ARHGAP26: variants seen among roughly 807,000 people sequenced by gnomAD.
The protein encoded by ARHGAP26 is Rho GTPase activating protein 26.
Under a neutral mutation model 104.8 loss-of-function variants are expected in ARHGAP26, and 38 were observed. That is an observed-to-expected ratio of 0.36 (90% confidence interval 0.28 to 0.48). The LOEUF (loss-of-function observed/expected upper bound fraction) is 0.48. Ranked by LOEUF, ARHGAP26 falls within the 20% of genes least tolerant of loss-of-function variation. The pLI is 0.99. For missense variants in ARHGAP26, 704 were observed against 947.9 expected (o/e 0.74, Z 3.38); for synonymous variants, 341 against 340.0 (o/e 1.00, Z -0.03).
intron 17 of ARHGAP26, among the ~76,000 whole-genome samples, chr5:143,068,648 T>A (rs1787844347): frequency 1.3e-5 from 2 of 152,354 alleles, no homozygotes; most frequent in South Asian, 4.1e-4. Flanking sequence ...TATGCAATCC[T>A]TTGAAACATG....
chr5:142,964,729 G>A (rs926292290), intron 11 of ARHGAP26, among the ~76,000 whole-genome samples: 1 of 152,136 alleles, frequency 6.6e-6, no homozygotes, highest in Non-Finnish European at 1.5e-5. Context: ...AACCTGACAT[G>A]CATTTCTGGA....
At chr5:143,012,015 T>C (rs1258554706) in intron 11 of ARHGAP26, among the ~76,000 whole-genome samples, 1 of 152,170 alleles carries the variant, frequency 6.6e-6, no homozygotes, top group East Asian at 1.9e-4. Context: ...ATTTTATAGA[T>C]GAAGAAATTA....
At chr5:142,918,608 C>T (rs1404696302) in intron 10 of ARHGAP26, among the ~76,000 whole-genome samples, 1 of 152,128 alleles carries the variant, frequency 6.6e-6, no homozygotes, top group Non-Finnish European at 1.5e-5. Flanking sequence ...GGTCACATCT[C>T]CTCTAATTTC....
At chr5:143,066,516 A>T (rs529794888) in intron 17 of ARHGAP26, among the ~76,000 whole-genome samples, 1 of 152,308 alleles carries the variant, frequency 6.6e-6, no homozygotes, top group South Asian at 2.1e-4. Flanking sequence ...ATAAATGTTA[A>T]TTTCTACAAT....
At position 142,932,122 on chromosome 5, in the gene ARHGAP26, A is replaced by G. The variant is rs1210128386; in HGVS notation, c.1104A>G (p.Glu368=). Reference sequence around the variant, plus strand: ...GGATGGAAGCCATGGATGGCCGGGAACCTGTAAGTAACAATTCAGGGAAGT... The same window carrying G: ...GGATGGAAGCCATGGATGGCCGGGAGCCTGTAAGTAACAATTCAGGGAAGT... The part of the protein sequence containing the change: ...RLWMEAMDGR[E]PVYNSNKDSQ... Residue 368 remains glutamate (E), a synonymous_variant, in exon 11 of 23, where the codon GAA becomes GAG. Coordinates refer to ENST00000645722, the MANE Select transcript of ARHGAP26 (RefSeq NM_001135608.3). The G allele has an allele frequency of 1.2e-6, 2 of 1,613,868 alleles. No homozygotes were observed. The highest frequency in any genetic ancestry group is 1.7e-6 in the Non-Finnish European group (2 of 1,179,858).
intron 1 of ARHGAP26, among the ~76,000 whole-genome samples, chr5:142,858,084 TGTGTGTGTGTGAGA>T (rs1273686543): frequency 7.0e-6 from 1 of 143,182 alleles, no homozygotes; most frequent in African/African-American, 2.8e-5. Context: ...TGTGTGTGTG[TGTGTGTGTGTGAGA>T]GAGAGAGAGA....
chr5:142,863,611 G>A (rs940601369), intron 1 of ARHGAP26, among the ~76,000 whole-genome samples: 2 of 152,122 alleles, frequency 1.3e-5, no homozygotes, highest in African/African-American at 2.4e-5. Flanking sequence ...TTCCAGGCAC[G>A]TGCTAGGAGA....
intron 1 of ARHGAP26, among the ~76,000 whole-genome samples, chr5:142,815,689 A>G (rs1764977575): frequency 6.6e-6 from 1 of 152,176 alleles, no homozygotes; most frequent in Non-Finnish European, 1.5e-5. Context: ...GGCTGTCCCC[A>G]GGACCTGGAG....
Position 143,189,356 on chromosome 5 carries a change from T to C in ARHGAP26, c.1989-17842T>C, listed in dbSNP as rs566140943. The stretch of plus-strand genomic sequence containing the variant: ...ACAGTGAGCCCTCAGCAGTCTACTT[T>C]GTTGAGATCTCGGCTCAGATGTCAC... On this transcript the variant is annotated intron_variant, in intron 20 of 22. Transcript: ENST00000645722. 2.0e-5 allele frequency among the ~76,000 whole-genome samples: 3 copies of C among 152,282 alleles called. No individual in the cohort carries two copies. The East Asian group carries it at 5.8e-4, about 29-fold the overall frequency.
At chr5:143,104,791 A>G (rs1793760157) in intron 17 of ARHGAP26, among the ~76,000 whole-genome samples, 1 of 152,200 alleles carries the variant, frequency 6.6e-6, no homozygotes, top group Non-Finnish European at 1.5e-5. Flanking sequence ...GCAGTAAAAA[A>G]CAAGTTATAA....
intron 17 of ARHGAP26, among the ~76,000 whole-genome samples, chr5:143,065,050 GAATCCCCTCCCAAA>G (rs1787287394): frequency 6.6e-6 from 1 of 152,042 alleles, no homozygotes; most frequent in Admixed American, 6.6e-5. Flanking sequence ...TGAGTCCATG[GAATCCCCTCCCAAA>G]TTAAGGGAGG....
chr5:143,054,667 C>T (rs1403302068), intron 15 of ARHGAP26, 141 bp downstream of exon 15: 8 of 586,070 alleles, frequency 1.4e-5, no homozygotes, highest in Non-Finnish European at 2.1e-5. Context: ...GTGCGTTTAG[C>T]TCAGCTGGTC....
chr5:143,163,002 A>G (rs901825149), intron 20 of ARHGAP26, among the ~76,000 whole-genome samples: 1 of 152,078 alleles, frequency 6.6e-6, no homozygotes, highest in Non-Finnish European at 1.5e-5. Flanking sequence ...CTGTGGTCCC[A>G]TCTACTTGGG....
chr5:142,784,493 G>A lies in ARHGAP26; in HGVS notation c.154+13578G>A, dbSNP rs543075689. ...CTTAAATTTTGCTTGTTTTCCTAAGGAGTCTAATCCTTACTGCCCCTAAAC... is the reference window on the plus strand; with the variant it reads ...CTTAAATTTTGCTTGTTTTCCTAAGAAGTCTAATCCTTACTGCCCCTAAAC... On this transcript the variant is annotated intron_variant, in intron 1 of 22. Coordinates refer to ENST00000645722, the MANE Select transcript of ARHGAP26 (RefSeq NM_001135608.3). Among the ~76,000 whole-genome samples the A allele has an allele frequency of 3.3e-5, 5 of 152,266 alleles. No homozygotes were observed. In the East Asian group the frequency reaches 7.7e-4, roughly 24 times the overall value.
chr5:142,791,381 T>C (rs554267249), intron 1 of ARHGAP26, among the ~76,000 whole-genome samples: 4 of 152,308 alleles, frequency 2.6e-5, no homozygotes, highest in Non-Finnish European at 5.9e-5. Context: ...TGTTTCTCTC[T>C]TAGGTCTCTA....
chr5:143,006,317 T>G lies in ARHGAP26; in HGVS notation c.1108-7763T>G, dbSNP rs1777948178. Among the ~76,000 whole-genome samples, 5 of 89,430 alleles carry G rather than the reference T, an allele frequency of 5.6e-5. No homozygotes were observed. The South Asian group carries it at 1.0e-3, about 19-fold the overall frequency. 58.7% of individuals were successfully genotyped at this position (89,430 alleles called of 152,430 possible). ...CCAACTCCACCTTTAGTGTTTTTTC[T>G]TTTTTTTTTTTTTTTTTTTTTAATT... is the stretch of plus-strand genomic sequence containing the variant. On this transcript the variant is annotated intron_variant, in intron 11 of 22. Transcript: ENST00000645722.
intron 11 of ARHGAP26, among the ~76,000 whole-genome samples, chr5:143,001,179 AG>A (rs1777147611): frequency 6.6e-6 from 1 of 151,992 alleles, no homozygotes; most frequent in African/African-American, 2.4e-5. Context: ...GGGGTGTGTG[AG>A]GGGTGGGAGT....
At position 143,057,657 on chromosome 5, in the gene ARHGAP26, A is replaced by G. The variant is rs773569740; in HGVS notation, c.1448A>G (p.Glu483Gly). The change falls in exon 17 of 23, where the codon GAG becomes GGG. Residue 483 changes from glutamate (E) to glycine (G), a missense_variant. Around this residue, in one of 6 missense-constraint regions of ARHGAP26, gnomAD observed 287 missense variants for 438.8 expected, o/e 0.65. Coordinates refer to ENST00000645722, the MANE Select transcript of ARHGAP26 (RefSeq NM_001135608.3). The stretch of plus-strand genomic sequence containing the variant: ...TCCTTTGCAGAACTGGAGAACCAGG[A>G]GTCTCGGGTCTCTGAAATCCACAGC... ...FIKAAKLENQ[E>G]SRVSEIHSLV... 6.2e-7 allele frequency: 1 copy of G among 1,613,942 alleles called. No homozygotes were observed. The highest frequency in any genetic ancestry group is 1.1e-5 in the South Asian group (1 of 91,076).
At chr5:143,001,598 G>A (rs950368608) in intron 11 of ARHGAP26, among the ~76,000 whole-genome samples, 3 of 152,252 alleles carry the variant, frequency 2.0e-5, no homozygotes, top group African/African-American at 7.2e-5. Flanking sequence ...TGGATTGGGA[G>A]TAAATGTGCT....
Sources: gnomAD v4.1 joint callset for allele counts (sites outside exome capture counted in the v4.1 genomes callset) on GRCh38, gnomAD v4.1.1 for gene constraint, gnomAD v4.1.1 regional missense constraint, MANE v1.5 for transcripts, NCBI Gene and HGNC (gene_info 2026-07-23, HGNC 2026-07-21) for gene names.